The following SMYD3 variants were observed in gnomAD, a reference collection of about 807,000 sequenced individuals.
SMYD3 encodes SET and MYND domain containing 3.
SMYD3 carries 36 observed loss-of-function variants against 57.7 expected under a neutral mutation model. That is an observed-to-expected ratio of 0.62 (90% CI 0.48 to 0.82). SMYD3 has a LOEUF of 0.82. Among genes scored for constraint, SMYD3 ranks in the 40% least tolerant of loss-of-function variants. The pLI is 0.00. For synonymous variants in SMYD3, 211 were observed against 195.0 expected (o/e 1.08, Z -0.68); for missense variants, 515 against 538.8 (o/e 0.96, Z 0.44).
At chr1:245,916,712 G>A (rs2055450518) in intron 7 of SMYD3, among the ~76,000 whole-genome samples, 1 of 152,112 alleles carries the variant, frequency 6.6e-6, no homozygotes, top group Non-Finnish European at 1.5e-5. Flanking sequence ...AAATGTAATA[G>A]TCTCACAACT....
At chr1:246,209,097 T>C (rs1055863821) in intron 5 of SMYD3, among the ~76,000 whole-genome samples, 1 of 152,192 alleles carries the variant, frequency 6.6e-6, no homozygotes, top group African/African-American at 2.4e-5. Flanking sequence ...CACTATTGAT[T>C]ACTGCCAACA....
intron 5 of SMYD3, among the ~76,000 whole-genome samples, chr1:245,931,969 C>T (rs2056750122): frequency 6.6e-6 from 1 of 152,146 alleles, no homozygotes. Flanking sequence ...TTGCATTAAG[C>T]AGCAACAGTA....
chr1:246,179,675 T>G (rs1199291288), intron 5 of SMYD3, among the ~76,000 whole-genome samples: 3 of 152,192 alleles, frequency 2.0e-5, no homozygotes, highest in Admixed American at 6.5e-5. Context: ...AGAAGCCAGA[T>G]GGTCAGATAT....
intron 5 of SMYD3, chr1:246,178,795 G>T (rs966119842): frequency 3.0e-4 from 45 of 151,942 alleles, no homozygotes; most frequent in African/African-American, 9.7e-4. Context: ...ACGCTAGCCA[G>T]AAGGGAAAGA....
At chr1:245,780,775 A>G (rs2046799158) in intron 10 of SMYD3, among the ~76,000 whole-genome samples, 2 of 152,240 alleles carry the variant, frequency 1.3e-5, no homozygotes, top group South Asian at 4.1e-4. Flanking sequence ...AAATAAAAAT[A>G]TATGTCCATA....
intron 8 of SMYD3, among the ~76,000 whole-genome samples, chr1:245,873,829 A>G (rs1428839143): frequency 6.6e-6 from 1 of 152,208 alleles, no homozygotes; most frequent in Non-Finnish European, 1.5e-5. Flanking sequence ...GACAGGCAGC[A>G]CTACGGAAGT....
At chr1:246,380,354 G>C (rs370753206) in intron 1 of SMYD3, among the ~76,000 whole-genome samples, 2 of 152,068 alleles carry the variant, frequency 1.3e-5, no homozygotes, top group African/African-American at 4.8e-5. Flanking sequence ...ATGGAAATTC[G>C]TAATTGATCA....
chr1:246,473,493 C>T (rs74903255), intron 1 of SMYD3, among the ~76,000 whole-genome samples: 2,477 of 152,196 alleles, frequency 0.016, 33 homozygotes, highest in Non-Finnish European at 0.024. Flanking sequence ...AACCATTTTT[C>T]TAAAAACATT....
chr1:246,411,293 T>C (rs551316564), intron 1 of SMYD3, among the ~76,000 whole-genome samples: 48 of 152,270 alleles, frequency 3.2e-4, no homozygotes, highest in African/African-American at 1.1e-3. Flanking sequence ...TCACACCAGT[T>C]AGAATGGCAA....
chr1:246,385,972 T>C (rs2066471308), intron 1 of SMYD3, among the ~76,000 whole-genome samples: 1 of 151,804 alleles, frequency 6.6e-6, no homozygotes, highest in Non-Finnish European at 1.5e-5. Context: ...CACTGCAAGC[T>C]CCACCTCTTG....
chr1:246,213,319 G>GA (rs1167222197), intron 5 of SMYD3, among the ~76,000 whole-genome samples: 4 of 152,114 alleles, frequency 2.6e-5, no homozygotes, highest in Non-Finnish European at 5.9e-5. Context: ...CATTATCAAA[G>GA]GAGGAAACTG....
intron 1 of SMYD3, among the ~76,000 whole-genome samples, chr1:246,501,539 C>G (rs929314803): frequency 6.6e-6 from 1 of 152,304 alleles, no homozygotes; most frequent in Non-Finnish European, 1.5e-5. Context: ...ATTTCTCTGA[C>G]CACATGAGGA....
At chr1:245,900,081 C>T (rs560830179) in intron 8 of SMYD3, among the ~76,000 whole-genome samples, 11 of 152,210 alleles carry the variant, frequency 7.2e-5, no homozygotes, top group African/African-American at 2.4e-4. Flanking sequence ...TCTGTTTCTC[C>T]ACCCCATCTT....
At chr1:246,025,314 G>A (rs901890412) in intron 5 of SMYD3, among the ~76,000 whole-genome samples, 2 of 151,926 alleles carry the variant, frequency 1.3e-5, no homozygotes, top group African/African-American at 4.8e-5. Flanking sequence ...ACAGCAAGTG[G>A]ACAGCATCTA....
chr1:245,823,171 G>A (rs1191513210), intron 10 of SMYD3, among the ~76,000 whole-genome samples: 1 of 152,186 alleles, frequency 6.6e-6, no homozygotes, highest in Non-Finnish European at 1.5e-5. Flanking sequence ...AGTACAAAAG[G>A]AATGTGACCA....
At chr1:246,068,375 T>G (rs1933530) in intron 5 of SMYD3, among the ~76,000 whole-genome samples, 50,651 of 151,704 alleles carry the variant, frequency 0.33, 10,741 homozygotes, top group African/African-American at 0.57. Context: ...CTATGCTTGC[T>G]TCAAATCTAT....
chr1:246,340,028 A>G (rs368893114), intron 2 of SMYD3, among the ~76,000 whole-genome samples: 1 of 152,154 alleles, frequency 6.6e-6, no homozygotes, highest in East Asian at 1.9e-4. Context: ...AGACAAGGGC[A>G]TTCCATGAGT....
At chr1:246,370,185 A>T (rs1192857912) in intron 1 of SMYD3, among the ~76,000 whole-genome samples, 7 of 152,318 alleles carry the variant, frequency 4.6e-5, no homozygotes, top group African/African-American at 1.7e-4. Context: ...GCAACCGGCC[A>T]CCATGGGCAT....
chr1:246,286,000 C>A (rs1383849685), intron 5 of SMYD3, among the ~76,000 whole-genome samples: 3 of 152,092 alleles, frequency 2.0e-5, no homozygotes, highest in African/African-American at 7.2e-5. Flanking sequence ...TAGAAGTTGG[C>A]ATGGATGCTG....
Sources: allele counts gnomAD v4.1 joint callset (sites outside exome capture counted in the v4.1 genomes callset), GRCh38; gene constraint gnomAD v4.1.1; transcripts MANE v1.5; gene names NCBI Gene and HGNC (gene_info 2026-07-23, HGNC 2026-07-21).